PHTF2: variants seen among roughly 807,000 people sequenced by gnomAD.
The protein encoded by PHTF2 is protein PHTF2.
A neutral mutation model predicts 101.2 loss-of-function variants in PHTF2; 60 were observed. The observed-to-expected ratio is 0.59, with a 90% CI of 0.48 to 0.73. The LOEUF (loss-of-function observed/expected upper bound fraction) is 0.73, where lower values mean the gene tolerates loss of function less well. Ranked by LOEUF, PHTF2 falls within the 30% of genes least tolerant of loss-of-function variation. The pLI is 0.00. For synonymous variants in PHTF2, 311 were observed against 307.3 expected (o/e 1.01, Z -0.13); for missense variants, 747 against 908.7 (o/e 0.82, Z 2.29).
intron 3 of PHTF2, among the ~76,000 whole-genome samples, chr7:77,884,568 T>C (rs2463010): frequency 0.58 from 88,099 of 152,014 alleles, 27,349 homozygotes; most frequent in African/African-American, 0.82. Flanking sequence ...CAAAAAATTA[T>C]CTTTGGTTGT....
intron 1 of PHTF2, among the ~76,000 whole-genome samples, chr7:77,799,489 C>T (rs1038907375): frequency 6.6e-6 from 1 of 152,212 alleles, no homozygotes; most frequent in South Asian, 2.1e-4. Context: ...CTGCCCTGCC[C>T]CCTCTGAGCA....
intron 1 of PHTF2, among the ~76,000 whole-genome samples, chr7:77,812,376 A>T (rs1793507896): frequency 1.3e-5 from 2 of 152,204 alleles, no homozygotes; most frequent in Non-Finnish European, 2.9e-5. Flanking sequence ...AAATGACTTG[A>T]ATACCTCAAA....
chr7:77,920,423 G>A (rs1803346216), exon 10 of PHTF2: 2 of 1,613,586 alleles, frequency 1.2e-6, no homozygotes, highest in Non-Finnish European at 8.5e-7. Flanking sequence ...GACCAGAAGA[G>A]ACAGCCTGGA....
In PHTF2 at chr7:77,914,942, T is replaced by A. The variant is rs562612446; in HGVS notation, c.776+4533T>A. On this transcript the variant is annotated intron_variant, in intron 9 of 19. Coordinates refer to ENST00000416283, the Ensembl canonical transcript of PHTF2. ...TTTTTTTGGGGTGGAGGATGGAGTCTCGCTCTGTTGCCAGGCTGGAGTGCA... is the reference window on the plus strand; with the variant it reads ...TTTTTTTGGGGTGGAGGATGGAGTCACGCTCTGTTGCCAGGCTGGAGTGCA... Among the ~76,000 whole-genome samples, 5 of 152,304 alleles carry A rather than the reference T, an allele frequency of 3.3e-5. No individual in the cohort carries two copies. In the East Asian group the frequency reaches 9.7e-4, roughly 29 times the overall value.
chr7:77,928,168 C>G (rs544625134), intron 11 of PHTF2, among the ~76,000 whole-genome samples: 2 of 151,218 alleles, frequency 1.3e-5, no homozygotes, highest in African/African-American at 4.9e-5. Context: ...CATGACAAAT[C>G]TAGTCACAGA....
chr7:77,910,465 G>A lies in PHTF2; in HGVS notation c.776+56G>A. ...TAGAGATGGCACTATCCTTTTTCTG[G>A]CACTTCAGTCTCAGGTAATGAATAT... On this transcript the variant is annotated intron_variant, in intron 9 of 19. Coordinates refer to ENST00000416283, the Ensembl canonical transcript of PHTF2. The A allele has an allele frequency of 1.7e-5, 21 of 1,240,394 alleles. 1 individual carries two copies. In the South Asian group the frequency reaches 2.6e-4, roughly 15 times the overall value. The allele number at this position is 1,240,394 out of a possible 1,614,324, so 76.8% of individuals were successfully genotyped here. A position where few individuals can be genotyped will look rare whatever the true frequency, so the allele number is the denominator to read the frequency against.
intron 9 of PHTF2, among the ~76,000 whole-genome samples, chr7:77,919,859 A>G (rs1400316782): frequency 6.6e-6 from 1 of 152,152 alleles, no homozygotes; most frequent in African/African-American, 2.4e-5. Flanking sequence ...AATGAGTTGT[A>G]TACTAAAAGG....
intron 3 of PHTF2, among the ~76,000 whole-genome samples, chr7:77,858,674 G>A (rs539816659): frequency 6.7e-6 from 1 of 149,978 alleles, no homozygotes; most frequent in African/African-American, 2.5e-5. Flanking sequence ...TTAAAGATAG[G>A]GTTAGTATTA....
At chr7:77,845,451 A>G (rs1187962695) in intron 2 of PHTF2, among the ~76,000 whole-genome samples, 2 of 152,252 alleles carry the variant, frequency 1.3e-5, no homozygotes, top group African/African-American at 4.8e-5. Context: ...GTCAGTTGCC[A>G]ATGAGAAAAC....
At chr7:77,940,004 C>G in intron 13 of PHTF2, 26 bp from the exon 13 acceptor site, 1 of 1,532,976 alleles carries the variant, frequency 6.5e-7, no homozygotes, top group Non-Finnish European at 8.8e-7. Flanking sequence ...TTTTTCTTTT[C>G]TCTCTCTTCC....
intron 1 of PHTF2, among the ~76,000 whole-genome samples, chr7:77,823,882 T>G (rs1794501423): frequency 6.6e-6 from 1 of 152,208 alleles, no homozygotes; most frequent in Non-Finnish European, 1.5e-5. Flanking sequence ...ACAGTGTTGA[T>G]TAAACTCTTT....
chr7:77,947,819 C>CT (rs1806185051), intron 16 of PHTF2, among the ~76,000 whole-genome samples: 1 of 84,084 alleles, frequency 1.2e-5, no homozygotes. Flanking sequence ...GATTTATTTT[C>CT]TTTTTTCTTT....
exon 7 of PHTF2, chr7:77,901,855 G>C: frequency 6.2e-7 from 1 of 1,602,144 alleles, no homozygotes. Context: ...TTTTTCTTCC[G>C]GTGGTGGTTA....
intron 6 of PHTF2, among the ~76,000 whole-genome samples, chr7:77,901,362 C>T (rs1801373813): frequency 6.6e-6 from 1 of 152,114 alleles, no homozygotes; most frequent in South Asian, 2.1e-4. Context: ...ATGGCTCACA[C>T]CTATAATCCC....
Position 77,857,658 on chromosome 7 carries a change from C to T in PHTF2, c.147+2824C>T, listed in dbSNP as rs1399371721. On this transcript the variant is annotated intron_variant, in intron 3 of 19. Transcript: ENST00000416283. ...TCCGTCACAACCATCTGATGGTAAC[C>T]ACCATATGAGGCAGTGTATCTTAGT... 4.6e-5 allele frequency among the ~76,000 whole-genome samples: 7 copies of T among 152,258 alleles called. No individual in the cohort carries two copies. In the East Asian group the frequency reaches 1.3e-3, roughly 29 times the overall value.
At chr7:77,922,752 C>T (rs1412038318) in exon 11 of PHTF2, 5 of 1,602,664 alleles carry the variant, frequency 3.1e-6, no homozygotes, top group Non-Finnish European at 4.3e-6. Flanking sequence ...AAAGTCACAC[C>T]ATTATAAGAA....
chr7:77,907,485 C>G (rs1562936827), intron 7 of PHTF2, among the ~76,000 whole-genome samples: 1 of 151,532 alleles, frequency 6.6e-6, no homozygotes, highest in African/African-American at 2.4e-5. Flanking sequence ...AAAAGCTAAA[C>G]AAAAAAAACC....
At chr7:77,955,324 T>C (rs1806926217) in exon 20 of PHTF2, 1 of 152,770 alleles carries the variant, frequency 6.5e-6, no homozygotes, top group Admixed American at 6.5e-5. Flanking sequence ...TAAATCAAGA[T>C]CCAGTCAGGG....
chr7:77,865,582 T>C (rs754193261), intron 3 of PHTF2, among the ~76,000 whole-genome samples: 5 of 152,130 alleles, frequency 3.3e-5, no homozygotes, highest in Non-Finnish European at 7.4e-5. Context: ...GTATTTTGTT[T>C]ATTCTACTGC....
Sources: allele counts gnomAD v4.1 joint callset (sites outside exome capture counted in the v4.1 genomes callset), GRCh38; gene constraint gnomAD v4.1.1; transcripts MANE v1.5; gene names NCBI Gene and HGNC (gene_info 2026-07-23, HGNC 2026-07-21).